The following ARHGEF3 variants were observed in gnomAD, a reference collection of about 807,000 sequenced individuals.
ARHGEF3 encodes the protein 59.8 kDA protein.
Under a neutral mutation model 63.2 loss-of-function variants are expected in ARHGEF3, and 28 were observed. That is an observed-to-expected ratio of 0.44 (90% CI 0.33 to 0.61). The LOEUF (loss-of-function observed/expected upper bound fraction) is 0.61, where lower values mean the gene tolerates loss of function less well. ARHGEF3 is among the 20% of genes least tolerant of loss of function. The pLI is 0.03. For synonymous variants in ARHGEF3, 266 were observed against 254.2 expected (o/e 1.05, Z -0.44); for missense variants, 533 against 659.3 (o/e 0.81, Z 2.10).
intron 2 of ARHGEF3, among the ~76,000 whole-genome samples, chr3:57,002,554 T>TATATGTATGTTATATATGTA (rs1702294633): frequency 1.0e-5 from 1 of 98,834 alleles, no homozygotes; most frequent in Non-Finnish European, 2.4e-5. Flanking sequence ...TGTTATGTTA[T>TATATGTATGTTATATATGTA]ATATATGTTA....
At chr3:56,831,835 C>T (rs1383040493) in intron 4 of ARHGEF3, among the ~76,000 whole-genome samples, 1 of 152,194 alleles carries the variant, frequency 6.6e-6, no homozygotes, top group African/African-American at 2.4e-5. Context: ...TGGCTCTCTT[C>T]CATTTTTTTC....
intron 3 of ARHGEF3, among the ~76,000 whole-genome samples, chr3:56,955,747 C>G (rs1026230393): frequency 6.6e-6 from 1 of 152,210 alleles, no homozygotes; most frequent in Admixed American, 6.5e-5. Context: ...TAGATGATGC[C>G]TCACATGTCT....
chr3:56,797,530 C>A (rs185218149), intron 1 of ARHGEF3, among the ~76,000 whole-genome samples: 222 of 152,294 alleles, frequency 1.5e-3, no homozygotes, highest in Middle Eastern at 6.8e-3. Context: ...GCAATAACTC[C>A]TTATGACTAG....
chr3:56,779,357 C>T (rs576723308), intron 1 of ARHGEF3, among the ~76,000 whole-genome samples: 2 of 152,260 alleles, frequency 1.3e-5, no homozygotes, highest in African/African-American at 4.8e-5. Context: ...GAAAACAGGA[C>T]TGGTCACAGG....
intron 4 of ARHGEF3, among the ~76,000 whole-genome samples, chr3:56,859,453 T>C: frequency 6.6e-6 from 1 of 151,714 alleles, no homozygotes; most frequent in East Asian, 2.0e-4. Flanking sequence ...TTATTGTTTT[T>C]AAATAATAAA....
upstream of ARHGEF3, among the ~76,000 whole-genome samples, chr3:56,803,888 CTTT>C (rs113834830): frequency 8.4e-5 from 12 of 143,630 alleles, no homozygotes; most frequent in Admixed American, 1.4e-4. Flanking sequence ...TATTTTCTTT[CTTT>C]TTTTTTTTTT....
intron 2 of ARHGEF3, among the ~76,000 whole-genome samples, chr3:57,027,966 G>A (rs1018695899): frequency 3.9e-5 from 6 of 152,228 alleles, no homozygotes; most frequent in South Asian, 4.2e-4. Flanking sequence ...GGCCATCAGA[G>A]AAATGCAAAT....
chr3:56,985,787 A>T (rs979073277), intron 2 of ARHGEF3, among the ~76,000 whole-genome samples: 3 of 95,588 alleles, frequency 3.1e-5, no homozygotes, highest in Non-Finnish European at 7.5e-5. Flanking sequence ...AGGTGAGAGG[A>T]AGGCACAGAC....
rs148049423 is a variant in ARHGEF3 at position 56,860,719 on chromosome 3, G to A, written c.192+21573C>T. On this transcript the variant is annotated intron_variant, in intron 4 of 12. Transcript: ENST00000338458. ...AGATGTAATTTTTTTTCCAATCCAA[G>A]TTTAGAGACCCCATGGAAGCCCCTG... is the stretch of plus-strand genomic sequence containing the variant. Among the ~76,000 whole-genome samples the A allele has an allele frequency of 3.1e-3, 466 of 152,238 alleles. 3 individuals are homozygous for A. The highest frequency in any genetic ancestry group is 0.011 in the African/African-American group (440 of 41,542).
chr3:56,793,678 T>G (rs914523995), intron 1 of ARHGEF3, among the ~76,000 whole-genome samples: 1 of 152,258 alleles, frequency 6.6e-6, no homozygotes, highest in Non-Finnish European at 1.5e-5. Flanking sequence ...CCTTTTTCAT[T>G]TCTATAATTC....
At chr3:56,743,479 C>A (rs1038516600) in intron 7 of ARHGEF3, among the ~76,000 whole-genome samples, 3 of 152,200 alleles carry the variant, frequency 2.0e-5, no homozygotes, top group African/African-American at 7.2e-5. Flanking sequence ...GGCTGTGGAC[C>A]TGGGCAAGCT....
rs578173842 is a variant in ARHGEF3 at position 56,733,667 on chromosome 3, G to C, written c.1042-1243C>G. 9.2e-5 allele frequency among the ~76,000 whole-genome samples: 14 copies of C among 152,008 alleles called. 1 individual carries two copies. In the South Asian group the frequency reaches 2.9e-3, roughly 32 times the overall value. On this transcript the variant is annotated intron_variant, in intron 8 of 9. Transcript: ENST00000296315. ...ACAGTGCTCATTCCTGAGGGGACCA[G>C]AGTATGCTGCCACAGCCACAAAGAA...
At chr3:57,053,401 C>T (rs1482333126) in intron 1 of ARHGEF3, among the ~76,000 whole-genome samples, 1 of 152,174 alleles carries the variant, frequency 6.6e-6, no homozygotes, top group African/African-American at 2.4e-5. Flanking sequence ...TCACCTTCCC[C>T]TCCAGCCTGC....
intron 4 of ARHGEF3, among the ~76,000 whole-genome samples, chr3:56,831,077 C>T (rs749388004): frequency 2.0e-5 from 3 of 152,220 alleles, no homozygotes; most frequent in Non-Finnish European, 4.4e-5. Context: ...TTTGCTGTTT[C>T]ATCACCAACA....
intron 4 of ARHGEF3, among the ~76,000 whole-genome samples, chr3:56,752,711 TCA>T (rs1303911024): frequency 6.6e-6 from 1 of 152,228 alleles, no homozygotes; most frequent in Non-Finnish European, 1.5e-5. Context: ...ATGATAACTC[TCA>T]GAGTGAAATA....
At chr3:56,899,116 G>A (rs2041420075) in intron 3 of ARHGEF3, among the ~76,000 whole-genome samples, 1 of 152,090 alleles carries the variant, frequency 6.6e-6, no homozygotes. Context: ...TGAGGAGGTG[G>A]GAGTTTCAAT....
intron 4 of ARHGEF3, among the ~76,000 whole-genome samples, chr3:56,868,361 GT>G (rs35860517): frequency 0.41 from 57,709 of 140,378 alleles, 11,672 homozygotes; most frequent in Non-Finnish European, 0.47. Context: ...TTTTTTGTTT[GT>G]TTTTTTTTTT....
intron 2 of ARHGEF3, among the ~76,000 whole-genome samples, chr3:56,968,234 A>AT (rs1491383262): frequency 1.5e-3 from 61 of 41,782 alleles, no homozygotes; most frequent in South Asian, 5.5e-3. Context: ...ATATATATAT[A>AT]AATATATATA....
chr3:56,889,779 T>C (rs1170058758), intron 3 of ARHGEF3, among the ~76,000 whole-genome samples: 1 of 152,212 alleles, frequency 6.6e-6, no homozygotes, highest in Non-Finnish European at 1.5e-5. Flanking sequence ...ATTTGTTTCA[T>C]GGCTGGGCGC....
Sources: allele counts gnomAD v4.1 joint callset (sites outside exome capture counted in the v4.1 genomes callset), GRCh38; gene constraint gnomAD v4.1.1; transcripts MANE v1.5; gene names NCBI Gene and HGNC (gene_info 2026-07-23, HGNC 2026-07-21).